ARMC2: variants seen among roughly 807,000 people sequenced by gnomAD.
ARMC2 encodes the protein armadillo repeat containing 2, also known as armadillo repeat-containing protein 2.
ARMC2 carries 67 observed loss-of-function variants against 90.3 expected under a neutral mutation model. The observed-to-expected ratio is 0.74, with a 90% CI of 0.61 to 0.91. ARMC2 has a LOEUF of 0.91. ARMC2 is among the 40% of genes least tolerant of loss of function. The pLI, the probability that ARMC2 is intolerant of heterozygous loss-of-function variation, is 0.00. For synonymous variants in ARMC2, 393 were observed against 393.0 expected (o/e 1.00, Z 0.00); for missense variants, 920 against 1,030.9 (o/e 0.89, Z 1.47).
At chr6:108,894,635 TAAGG>T in intron 6 of ARMC2, 92 bp downstream of exon 6, 1 of 1,139,344 alleles carries the variant, frequency 8.8e-7, no homozygotes, top group Non-Finnish European at 1.2e-6. Flanking sequence ...ACTGGAAACT[TAAGG>T]AAGTTTGTCC....
At chr6:109,007,230 T>G in the ARMC2 span, among the ~76,000 whole-genome samples, 1 of 152,206 alleles carries the variant, frequency 6.6e-6, no homozygotes, top group Non-Finnish European at 1.5e-5. Flanking sequence ...AAAGACTATG[T>G]TTTTATTGTA....
the ARMC2 span, among the ~76,000 whole-genome samples, chr6:109,026,931 C>T: frequency 2.6e-5 from 4 of 152,130 alleles, no homozygotes; most frequent in African/African-American, 9.6e-5. Context: ...CCCAGCACTT[C>T]AGGAGCCCAG....
intron 12 of ARMC2, among the ~76,000 whole-genome samples, chr6:108,937,242 A>T (rs943779656): frequency 6.6e-6 from 1 of 152,014 alleles, no homozygotes; most frequent in Non-Finnish European, 1.5e-5. Flanking sequence ...GTGGTAGATT[A>T]TAACAATATT....
chr6:108,948,032 T>C (rs1480691113), intron 12 of ARMC2, among the ~76,000 whole-genome samples: 3 of 152,232 alleles, frequency 2.0e-5, no homozygotes, highest in African/African-American at 7.2e-5. Flanking sequence ...ATTGATGAAA[T>C]CCTTTTCCGC....
Position 108,961,651 on chromosome 6 carries a change from G to A in ARMC2, c.1995G>A (p.Val665=). 3 of 1,611,674 alleles carry A rather than the reference G, an allele frequency of 1.9e-6. No homozygotes were observed. Among genetic ancestry groups the A allele is most frequent in the Non-Finnish European group, 2.5e-6 (3 of 1,179,108 alleles). Residue 665 remains valine, a synonymous_variant, in exon 14 of 18, where the codon GTG becomes GTA. Transcript: ENST00000392644. ...ATINNLSYYQ[V]KNSIIQDKKL... is the part of the protein sequence containing the mutation. The stretch of plus-strand genomic sequence containing the variant: ...TCAACAATTTATCTTACTACCAAGT[G>A]AAGAATTCCATAATTCAAGACAAAA...
intron 12 of ARMC2, among the ~76,000 whole-genome samples, chr6:108,948,578 G>A (rs1012952253): frequency 3.3e-5 from 5 of 150,058 alleles, no homozygotes; most frequent in African/African-American, 1.2e-4. Context: ...CCATGCTTCA[G>A]TTGGCACCGC....
intron 15 of ARMC2, among the ~76,000 whole-genome samples, chr6:108,962,372 G>C (rs1001264721): frequency 4.6e-5 from 7 of 152,136 alleles, no homozygotes; most frequent in Admixed American, 3.9e-4. Context: ...AGTGAATCTT[G>C]AGTAATCACT....
the ARMC2 span, among the ~76,000 whole-genome samples, chr6:109,016,894 A>C: frequency 6.6e-6 from 1 of 152,198 alleles, no homozygotes; most frequent in Admixed American, 6.5e-5. Context: ...ATAACTCAGA[A>C]ATACTAAAAT....
rs182176112 is a variant in ARMC2, at chr6:108,886,622, T to C, written c.672-7845T>C. Among the ~76,000 whole-genome samples the C allele has an allele frequency of 1.6e-3, 243 of 152,274 alleles. 1 individual carries two copies. The highest frequency in any genetic ancestry group is 2.8e-3 in the Non-Finnish European group (192 of 68,002). On this transcript the variant is annotated intron_variant, in intron 5 of 17. Transcript: ENST00000392644. ...ACAGCCCAGGAGCCAAATCTGGCCA[T>C]CCATCTGGTTTTTGTTTGTTTTGTT...
chr6:108,929,826 G>T (rs1010434499), intron 11 of ARMC2, among the ~76,000 whole-genome samples: 2 of 152,002 alleles, frequency 1.3e-5, no homozygotes, highest in Non-Finnish European at 2.9e-5. Flanking sequence ...CCAAACTCTT[G>T]GTCAGGCACA....
chr6:108,944,662 A>T (rs1776677924), intron 12 of ARMC2, among the ~76,000 whole-genome samples: 1 of 152,194 alleles, frequency 6.6e-6, no homozygotes, highest in African/African-American at 2.4e-5. Flanking sequence ...GTATATACCC[A>T]TATCTAAATG....
chr6:108,884,794 G>A (rs1314560293), intron 5 of ARMC2, among the ~76,000 whole-genome samples: 1 of 152,178 alleles, frequency 6.6e-6, no homozygotes. Context: ...TGTGAAGGAC[G>A]AATGGGGAGA....
intron 8 of ARMC2, among the ~76,000 whole-genome samples, chr6:108,909,785 C>T (rs556602749): frequency 3.3e-5 from 5 of 152,282 alleles, no homozygotes; most frequent in Admixed American, 2.0e-4. Flanking sequence ...CCACCAGCCT[C>T]AGCCTCCCAA....
chr6:109,052,812 T>C, the ARMC2 span, among the ~76,000 whole-genome samples: 1 of 152,010 alleles, frequency 6.6e-6, no homozygotes. Flanking sequence ...CTTTAGTTCA[T>C]TCATTTGTCC....
At chr6:108,916,676 G>C (rs1312571975) in intron 10 of ARMC2, among the ~76,000 whole-genome samples, 1 of 152,216 alleles carries the variant, frequency 6.6e-6, no homozygotes, top group African/African-American at 2.4e-5. Flanking sequence ...CACCAAGGAG[G>C]TGGCACAGAT....
chr6:108,902,247 G>A (rs2806375), intron 7 of ARMC2, among the ~76,000 whole-genome samples: 33,524 of 152,192 alleles, frequency 0.22, 3,985 homozygotes, highest in East Asian at 0.35. Flanking sequence ...AAGCTATAGA[G>A]CATTTATAAC....
chr6:108,896,772 G>T (rs955465096), intron 6 of ARMC2, among the ~76,000 whole-genome samples: 10 of 152,160 alleles, frequency 6.6e-5, no homozygotes, highest in African/African-American at 1.9e-4. Context: ...GATAGTCATG[G>T]TTTCTCATAG....
At chr6:109,021,554 C>A in the ARMC2 span, among the ~76,000 whole-genome samples, 10 of 152,076 alleles carry the variant, frequency 6.6e-5, no homozygotes, top group East Asian at 1.4e-3. Context: ...TCTCGTGCCT[C>A]AGCCTCGCAA....
At chr6:109,011,373 TATGTG>T in the ARMC2 span, among the ~76,000 whole-genome samples, 1 of 152,244 alleles carries the variant, frequency 6.6e-6, no homozygotes, top group South Asian at 2.1e-4. Flanking sequence ...AATGCTGCCT[TATGTG>T]AAAAGAAAAA....
Sources: allele counts gnomAD v4.1 joint callset (sites outside exome capture counted in the v4.1 genomes callset), GRCh38; gene constraint gnomAD v4.1.1; transcripts MANE v1.5; gene names NCBI Gene and HGNC (gene_info 2026-07-23, HGNC 2026-07-21).